Variants in DLG2 observed in about 807,000 individuals in gnomAD.
DLG2 encodes discs large MAGUK scaffold protein 2, also known as disks large homolog 2.
In DLG2, 45 loss-of-function variants were observed where a neutral mutation model predicts 132.5. That is an observed-to-expected ratio of 0.34 (90% CI 0.27 to 0.44). The LOEUF (loss-of-function observed/expected upper bound fraction) is 0.44. Ranked by LOEUF, DLG2 falls within the 20% of genes least tolerant of loss-of-function variation. The probability of loss-of-function intolerance (pLI) is 1.00; values close to 1 mark genes in which losing one functional copy is unlikely to be tolerated. For missense variants in DLG2, 1,045 were observed against 1,196.9 expected (o/e 0.87, Z 1.87); for synonymous variants, 424 against 419.6 (o/e 1.01, Z -0.13).
intron 4 of DLG2, among the ~76,000 whole-genome samples, chr11:85,191,177 C>G (rs967616479): frequency 6.6e-6 from 1 of 150,586 alleles, no homozygotes; most frequent in Non-Finnish European, 1.5e-5. Context: ...CACACACACA[C>G]ACACACACAC....
At chr11:84,017,093 G>A (rs1020817588) in intron 11 of DLG2, among the ~76,000 whole-genome samples, 2 of 151,974 alleles carry the variant, frequency 1.3e-5, no homozygotes, top group Admixed American at 6.6e-5. Flanking sequence ...AGATAGCATG[G>A]CAGTTTGAGG....
chr11:84,559,540 A>C (rs1438786601), intron 6 of DLG2, among the ~76,000 whole-genome samples: 1 of 152,178 alleles, frequency 6.6e-6, no homozygotes, highest in African/African-American at 2.4e-5. Flanking sequence ...GATTTTCCAC[A>C]AAGGTTATAA....
At chr11:83,778,317 T>C (rs1476909199) in intron 18 of DLG2, among the ~76,000 whole-genome samples, 1 of 152,070 alleles carries the variant, frequency 6.6e-6, no homozygotes, top group Non-Finnish European at 1.5e-5. Context: ...TTGATCTGGG[T>C]GTTGCTAATG....
At chr11:83,865,846 T>A (rs2062240570) in intron 16 of DLG2, among the ~76,000 whole-genome samples, 1 of 152,142 alleles carries the variant, frequency 6.6e-6, no homozygotes, top group Admixed American at 6.6e-5. Context: ...AGCCTCCTTA[T>A]TATAAATTTC....
intron 2 of DLG2, among the ~76,000 whole-genome samples, chr11:85,612,291 G>A (rs1392363001): frequency 1.3e-5 from 2 of 152,124 alleles, no homozygotes; most frequent in African/African-American, 4.8e-5. Context: ...TCCCAACAAG[G>A]GATCTAAATC....
At chr11:84,827,186 G>C (rs2078432422) in intron 6 of DLG2, among the ~76,000 whole-genome samples, 1 of 151,650 alleles carries the variant, frequency 6.6e-6, no homozygotes, top group South Asian at 2.1e-4. Flanking sequence ...AAGTCACACA[G>C]ATAGTAAGTG....
At chr11:83,568,504 T>C (rs2096745806) in intron 19 of DLG2, among the ~76,000 whole-genome samples, 1 of 151,996 alleles carries the variant, frequency 6.6e-6, no homozygotes, top group Admixed American at 6.6e-5. Context: ...CTAATGGAAA[T>C]CATTCAGTGA....
At chr11:84,201,820 T>A (rs1180431654) in intron 8 of DLG2, among the ~76,000 whole-genome samples, 1 of 119,076 alleles carries the variant, frequency 8.4e-6, no homozygotes, top group Non-Finnish European at 1.8e-5. Context: ...TTTTTTTTTT[T>A]TTTTTTTTTT....
intron 6 of DLG2, among the ~76,000 whole-genome samples, chr11:84,608,456 G>T (rs1593621475): frequency 6.6e-6 from 1 of 152,128 alleles, no homozygotes; most frequent in African/African-American, 2.4e-5. Context: ...AATTCACAAC[G>T]TGCTAAGATT....
At chr11:83,808,032 T>A (rs1429529105) in intron 17 of DLG2, among the ~76,000 whole-genome samples, 1 of 152,166 alleles carries the variant, frequency 6.6e-6, no homozygotes, top group African/African-American at 2.4e-5. Context: ...TCCCCACGCA[T>A]ACACATTCCC....
intron 16 of DLG2, among the ~76,000 whole-genome samples, chr11:83,842,850 T>G (rs2057911121): frequency 6.6e-6 from 1 of 151,628 alleles, no homozygotes. Context: ...AAATTACTAC[T>G]TACACTGAAG....
chr11:84,943,691 T>A (rs2049799287), intron 6 of DLG2, among the ~76,000 whole-genome samples: 1 of 152,322 alleles, frequency 6.6e-6, no homozygotes, highest in Admixed American at 6.5e-5. Flanking sequence ...ATATTATACT[T>A]TCTATGTCTC....
intron 8 of DLG2, among the ~76,000 whole-genome samples, chr11:84,214,463 G>A (rs2096808761): frequency 1.3e-5 from 2 of 151,342 alleles, no homozygotes; most frequent in Admixed American, 6.6e-5. Flanking sequence ...ATATGTCTGA[G>A]TATATCTATA....
intron 8 of DLG2, among the ~76,000 whole-genome samples, chr11:84,208,893 T>C (rs2096713597): frequency 6.6e-6 from 1 of 152,068 alleles, no homozygotes; most frequent in African/African-American, 2.4e-5. Flanking sequence ...GAGAGGGAAG[T>C]AACCGATAAG....
intron 4 of DLG2, among the ~76,000 whole-genome samples, chr11:85,178,713 A>G (rs2079493274): frequency 6.6e-6 from 1 of 151,956 alleles, no homozygotes; most frequent in South Asian, 2.1e-4. Context: ...AATGGAATAA[A>G]AAATAGTCAT....
chr11:84,562,044 A>G (rs1176319216), intron 6 of DLG2, among the ~76,000 whole-genome samples: 1 of 152,154 alleles, frequency 6.6e-6, no homozygotes. Flanking sequence ...AGAATTTTTA[A>G]AAGTTAAAAA....
chr11:84,805,995 GCA>G (rs1214163879), intron 6 of DLG2, among the ~76,000 whole-genome samples: 2 of 152,008 alleles, frequency 1.3e-5, no homozygotes, highest in Admixed American at 6.6e-5. Context: ...TAAAAGGTAT[GCA>G]AAAACCAAAC....
chr11:83,798,378 G>A (rs1485345126), intron 17 of DLG2, among the ~76,000 whole-genome samples: 1 of 152,136 alleles, frequency 6.6e-6, no homozygotes, highest in African/African-American at 2.4e-5. Flanking sequence ...TACATGGTAG[G>A]TACTTACTAA....
At chr11:83,541,054 A>G (rs1379762768) in intron 20 of DLG2, among the ~76,000 whole-genome samples, 1 of 152,112 alleles carries the variant, frequency 6.6e-6, no homozygotes, top group South Asian at 2.1e-4. Flanking sequence ...GATTTAGGAA[A>G]CACTTACACA....
Sources: allele counts gnomAD v4.1 joint callset (sites outside exome capture counted in the v4.1 genomes callset), GRCh38; gene constraint gnomAD v4.1.1; transcripts MANE v1.5; gene names NCBI Gene and HGNC (gene_info 2026-07-23, HGNC 2026-07-21).